The following PARP11 variants were observed in gnomAD, a reference collection of about 807,000 sequenced individuals.
PARP11 encodes the protein protein mono-ADP-ribosyltransferase PARP11.
In PARP11, 31 loss-of-function variants were observed where a neutral mutation model predicts 42.9. That is an observed-to-expected ratio of 0.72 (90% CI 0.54 to 0.98). The LOEUF is 0.98. Ranked by LOEUF, PARP11 falls within the 50% of genes least tolerant of loss-of-function variation. The pLI is 0.00. For synonymous variants in PARP11, 137 were observed against 127.3 expected (o/e 1.08, Z -0.51); for missense variants, 365 against 413.1 (o/e 0.88, Z 1.01).
At chr12:3,816,703 G>A (rs1259630278) in intron 6 of PARP11, among the ~76,000 whole-genome samples, 1 of 152,186 alleles carries the variant, frequency 6.6e-6, no homozygotes, top group Non-Finnish European at 1.5e-5. Flanking sequence ...GATCTGCAAT[G>A]ACTAGAATCC....
chr12:3,826,263 T>A, intron 3 of PARP11, 30 bp from the exon 4 acceptor site: 4 of 1,480,376 alleles, frequency 2.7e-6, no homozygotes, highest in Non-Finnish European at 3.7e-6. Context: ...ATTAGATAAG[T>A]CATAAAAGTA....
At position 3,817,769 on chromosome 12, in the gene PARP11, C is replaced by T. The variant is rs539614932; in HGVS notation, c.549-3581G>A. On this transcript the variant is annotated intron_variant, in intron 6 of 7. Coordinates refer to ENST00000228820, the MANE Select transcript of PARP11 (RefSeq NM_020367.6). ...GCACTGGAGCAAGAATACTTTCATGCTCTGGATTAAAATAAATTTGCCTAG... is the reference window on the plus strand; with the variant it reads ...GCACTGGAGCAAGAATACTTTCATGTTCTGGATTAAAATAAATTTGCCTAG... Among the ~76,000 whole-genome samples the T allele has an allele frequency of 5.9e-5, 9 of 152,292 alleles. No individual in the cohort carries two copies. In the South Asian group the frequency reaches 1.7e-3, roughly 28 times the overall value.
chr12:3,838,936 A>G (rs1218269337), intron 1 of PARP11, among the ~76,000 whole-genome samples: 2 of 152,042 alleles, frequency 1.3e-5, no homozygotes, highest in African/African-American at 2.4e-5. Context: ...ACCGGTACAG[A>G]CGAGGAAACT....
chr12:3,828,700 A>G (rs1947579104), intron 3 of PARP11, among the ~76,000 whole-genome samples: 1 of 152,218 alleles, frequency 6.6e-6, no homozygotes, highest in Non-Finnish European at 1.5e-5. Flanking sequence ...CACATACATT[A>G]ATATATACAA....
At chr12:3,822,481 C>T (rs1315136018) in intron 4 of PARP11, among the ~76,000 whole-genome samples, 1 of 147,154 alleles carries the variant, frequency 6.8e-6, no homozygotes, top group Non-Finnish European at 1.5e-5. Context: ...CGCCTGTAGT[C>T]CCAGCTACTC....
At chr12:3,831,981 G>A (rs529321891) in intron 1 of PARP11, 129 of 194,206 alleles carry the variant, frequency 6.6e-4, no homozygotes, top group African/African-American at 2.6e-3. Flanking sequence ...AATGAGATTG[G>A]AGCTAATAGT....
intron 6 of PARP11, chr12:3,815,177 TA>T (rs1947261720): frequency 1.2e-5 from 5 of 424,546 alleles, no homozygotes. Context: ...AATCATATTT[TA>T]AAAATTAAAA....
Position 3,846,275 on chromosome 12 carries a change from A to C in PARP11, c.19-16257T>G, listed in dbSNP as rs191343654. 5.1e-3 allele frequency among the ~76,000 whole-genome samples: 742 copies of C among 144,438 alleles called. 6 individuals carry two copies. The highest frequency in any genetic ancestry group is 0.018 in the African/African-American group (702 of 38,060). 94.8% of individuals were successfully genotyped at this position (144,438 alleles called of 152,430 possible). On this transcript the variant is annotated intron_variant, in intron 1 of 7. Transcript: ENST00000228820. The stretch of plus-strand genomic sequence containing the variant: ...TATATAAAACTGTGTGCATATATTT[A>C]AAAAAAAAAAGAAAAACAGAGAACA...
intron 2 of PARP11, among the ~76,000 whole-genome samples, chr12:3,829,361 T>C (rs80300179): frequency 0.019 from 2,952 of 152,332 alleles, 112 homozygotes; most frequent in African/African-American, 0.068. Context: ...CTTCTTTATA[T>C]AGTTTAGTAG....
At chr12:3,868,776 C>G (rs1376463779) in intron 1 of PARP11, among the ~76,000 whole-genome samples, 7 of 152,220 alleles carry the variant, frequency 4.6e-5, no homozygotes, top group Non-Finnish European at 1.0e-4. Flanking sequence ...CTACCCTGGA[C>G]TACACTATAA....
At chr12:3,826,124 C>T (rs750760819) in intron 4 of PARP11, 34 bp downstream of exon 4, 1 of 1,291,476 alleles carries the variant, frequency 7.7e-7, no homozygotes, top group Non-Finnish European at 1.1e-6. Flanking sequence ...AAAAAAAAAA[C>T]CCACTCTTTC....
At chr12:3,839,493 C>A (rs983538738) in intron 1 of PARP11, 1 of 1,608,938 alleles carries the variant, frequency 6.2e-7, no homozygotes, top group East Asian at 2.2e-5. Context: ...ATGTTGAAGT[C>A]AGAATGGCCT....
chr12:3,862,255 C>T (rs1156277434), intron 1 of PARP11, among the ~76,000 whole-genome samples: 1 of 152,058 alleles, frequency 6.6e-6, no homozygotes, highest in Non-Finnish European at 1.5e-5. Context: ...TAGTTTGAGA[C>T]TAGCCTGGGG....
chr12:3,822,768 AAAG>A (rs1456416638), intron 4 of PARP11, among the ~76,000 whole-genome samples: 1 of 152,152 alleles, frequency 6.6e-6, no homozygotes, highest in Non-Finnish European at 1.5e-5. Context: ...TTTAAAATGT[AAAG>A]AAGATTTTAG....
At chr12:3,827,488 C>T (rs1253589488) in intron 3 of PARP11, among the ~76,000 whole-genome samples, 2 of 152,010 alleles carry the variant, frequency 1.3e-5, no homozygotes, top group Non-Finnish European at 2.9e-5. Context: ...GGTTTCAGTT[C>T]TTCCTCAAAA....
At chr12:3,818,025 C>A (rs1327304895) in intron 6 of PARP11, among the ~76,000 whole-genome samples, 2 of 152,166 alleles carry the variant, frequency 1.3e-5, no homozygotes, top group Admixed American at 6.5e-5. Flanking sequence ...CCTTATACTT[C>A]CCAGCTCTGG....
Position 3,840,927 on chromosome 12 carries a change from T to G in PARP11, c.19-10909A>C. On this transcript the variant is annotated intron_variant, in intron 1 of 7. Transcript: ENST00000228820. This position sits in a 1 kb window ranked among gnomAD's most constrained non-coding sequence, Gnocchi z 4.4. ...TTTCTCCAGAGGTACATCTAACTCC[T>G]GCAGTGCCTTCTTTACCAGCCACTG... 3 of 1,604,922 alleles carry G rather than the reference T, an allele frequency of 1.9e-6. No individual in the cohort carries two copies. The highest frequency in any genetic ancestry group is 2.6e-6 in the Non-Finnish European group (3 of 1,171,662).
intron 1 of PARP11, chr12:3,872,404 G>C (rs1321874485): frequency 8.7e-6 from 3 of 345,502 alleles, no homozygotes; most frequent in Non-Finnish European, 1.2e-5. Context: ...TCCTTACAAT[G>C]GGTGGTGAGG....
Position 3,810,078 on chromosome 12 carries a change from T to C in PARP11, c.*2045A>G, listed in dbSNP as rs1947138231. On this transcript the variant is annotated 3_prime_UTR_variant, in exon 8 of 8. Transcript: ENST00000228820. ...ACTATCCCTAATCTGTCTGCACTCTTTGCTTTTATTATTTGTAGATCCCTT... is the reference window on the plus strand; with the variant it reads ...ACTATCCCTAATCTGTCTGCACTCTCTGCTTTTATTATTTGTAGATCCCTT... The C allele has an allele frequency of 6.6e-6, 1 of 152,230 alleles. No individual in the cohort carries two copies. Among genetic ancestry groups the C allele is most frequent in the Non-Finnish European group, 1.5e-5 (1 of 68,034 alleles). 9.4% of individuals were successfully genotyped at this position (152,230 alleles called of 1,614,324 possible).
Sources: gnomAD v4.1 joint callset for allele counts (sites outside exome capture counted in the v4.1 genomes callset) on GRCh38, gnomAD v4.1.1 for gene constraint, Gnocchi (gnomAD v3.1) non-coding constraint, MANE v1.5 for transcripts, NCBI Gene and HGNC (gene_info 2026-07-23, HGNC 2026-07-21) for gene names.